Variants in DAZL observed in about 807,000 individuals in gnomAD.
The protein encoded by DAZL is deleted in azoospermia like, also known as deleted in azoospermia-like.
In DAZL, 4 loss-of-function variants were observed where a neutral mutation model predicts 45.0. That is an observed-to-expected ratio of 0.09 (90% CI 0.04 to 0.20). DAZL has a LOEUF of 0.20. DAZL is among the 10% of genes least tolerant of loss of function. The pLI is 1.00. For synonymous variants in DAZL, 122 were observed against 112.4 expected, an observed-to-expected ratio of 1.09 and a Z score of -0.54; for missense variants, 326 against 351.3, an observed-to-expected ratio of 0.93 and a Z score of 0.58.
At chr3:16,605,074 G>C (rs998671632) in intron 1 of DAZL, 129 bp downstream of exon 1, 1 of 1,200,408 alleles carries the variant, frequency 8.3e-7, no homozygotes, top group Non-Finnish European at 1.2e-6. Context: ...TGGCTGTGGT[G>C]CGTCCAGGCA....
intron 1 of DAZL, chr3:16,604,807 C>G: frequency 8.6e-7 from 1 of 1,165,012 alleles, no homozygotes; most frequent in South Asian, 1.9e-5. Flanking sequence ...GGGGCGGAGG[C>G]GCGTGAGTGG....
chr3:16,591,983 A>T (rs1694524821), intron 10 of DAZL, 67 bp downstream of exon 10: 6 of 1,533,976 alleles, frequency 3.9e-6, no homozygotes, highest in Non-Finnish European at 4.5e-6. Flanking sequence ...CATATACCAC[A>T]AGGAAAACAG....
At chr3:16,603,656 T>C (rs949441208) in intron 1 of DAZL, among the ~76,000 whole-genome samples, 2 of 152,206 alleles carry the variant, frequency 1.3e-5, no homozygotes, top group Non-Finnish European at 2.9e-5. Flanking sequence ...CATGATAGTA[T>C]TGTTTTAATA....
chr3:16,602,498 AAC>A (rs1353884204), intron 1 of DAZL, among the ~76,000 whole-genome samples: 9 of 152,336 alleles, frequency 5.9e-5, no homozygotes, highest in Admixed American at 3.9e-4. Flanking sequence ...AAAAAATTCA[AAC>A]ACTTTTCTTC....
chr3:16,589,439 A>C (rs1274504992), intron 10 of DAZL, among the ~76,000 whole-genome samples: 2 of 152,144 alleles, frequency 1.3e-5, no homozygotes, highest in South Asian at 2.1e-4. Flanking sequence ...GAAGTTACCT[A>C]ATCTGTCAAA....
At chr3:16,599,349 G>A (rs1694648683) in intron 1 of DAZL, among the ~76,000 whole-genome samples, 1 of 151,944 alleles carries the variant, frequency 6.6e-6, no homozygotes, top group African/African-American at 2.4e-5. Flanking sequence ...AAGAAAATAA[G>A]CCTCAAAGTT....
chr3:16,604,391 C>A, intron 1 of DAZL: 1 of 1,454,772 alleles, frequency 6.9e-7, no homozygotes, highest in South Asian at 1.2e-5. Flanking sequence ...AAAACCGTAC[C>A]CAGAATTTAA....
At chr3:16,604,843 G>A in intron 1 of DAZL, 1 of 819,184 alleles carries the variant, frequency 1.2e-6, no homozygotes, top group South Asian at 1.9e-5. Flanking sequence ...TGGGGGCGGG[G>A]TGGGGCAGTC....
intron 1 of DAZL, among the ~76,000 whole-genome samples, chr3:16,598,986 T>C (rs1291954238): frequency 6.6e-6 from 1 of 152,110 alleles, no homozygotes; most frequent in East Asian, 1.9e-4. Flanking sequence ...TTTCTCCATG[T>C]TGGCCAGGCT....
intron 7 of DAZL, 120 bp downstream of exon 7, chr3:16,595,194 C>T (rs1235165853): frequency 1.8e-6 from 1 of 562,664 alleles, no homozygotes; most frequent in Non-Finnish European, 3.1e-6. Context: ...TAATTTTTTT[C>T]TTAAATTTTA....
chr3:16,592,624 G>C (rs1419302077), intron 9 of DAZL, among the ~76,000 whole-genome samples: 1 of 151,324 alleles, frequency 6.6e-6, no homozygotes, highest in African/African-American at 2.4e-5. Context: ...TTCTTACCAC[G>C]TATCACTCAA....
At position 16,593,702 on chromosome 3, in the gene DAZL, A is replaced by T; in HGVS notation, c.688T>A (p.Cys230Ser). ...DPGAEVVPNE[C>S]SVHEATPPSG... is the part of the protein sequence containing the mutation. Reference sequence around the variant, plus strand: ...GGTGGAGTAGCTTCATGAACTGAACATTCATTTGGCACAACTTCAGCTCCT... The same window carrying T: ...GGTGGAGTAGCTTCATGAACTGAACTTTCATTTGGCACAACTTCAGCTCCT... The change falls in exon 9 of 11, where the codon TGT becomes AGT. Residue 230 changes from cysteine to serine, a missense_variant. By Grantham distance (112) the Cys-to-Ser change is moderately radical. Coordinates refer to ENST00000399444, the MANE Select transcript of DAZL (RefSeq NM_001351.4). 1 of 1,612,808 alleles carries T rather than the reference A, an allele frequency of 6.2e-7. No homozygotes were observed. Among genetic ancestry groups the T allele is most frequent in the Non-Finnish European group, 8.5e-7 (1 of 1,179,242 alleles).
In DAZL at chr3:16,595,302, C is replaced by A; in HGVS notation, c.570+12G>T. On this transcript the variant is annotated intron_variant, in intron 7 of 10. Transcript: ENST00000399444. ...ATCTGAAAGTAAATCATTTTACTCC[C>A]TTTTAAATTACCTGATAATTATATA... 1 of 1,458,182 alleles carries A rather than the reference C, an allele frequency of 6.9e-7. No homozygotes were observed. 90.3% of individuals were successfully genotyped at this position (1,458,182 alleles called of 1,614,324 possible).
intron 1 of DAZL, among the ~76,000 whole-genome samples, chr3:16,600,044 T>C (rs1468550857): frequency 6.6e-6 from 1 of 152,222 alleles, no homozygotes; most frequent in African/African-American, 2.4e-5. Flanking sequence ...TTAGCTGACT[T>C]ATCTTGAAGA....
chr3:16,598,440 T>C lies in DAZL; in HGVS notation c.150+12A>G, dbSNP rs947117413. The stretch of plus-strand genomic sequence containing the variant: ...TGCATTTCAAGGTAAAAATGAGGTA[T>C]GAATACAATACCCTAACATCAATTC... On this transcript the variant is annotated intron_variant, in intron 2 of 10. Transcript: ENST00000399444. The C allele has an allele frequency of 1.2e-6, 2 of 1,606,140 alleles. No individual in the cohort carries two copies. The highest frequency in any genetic ancestry group is 8.5e-7 in the Non-Finnish European group (1 of 1,176,080).
At position 16,588,145 on chromosome 3, in the gene DAZL, A is replaced by G. The variant is rs1475645506; in HGVS notation, c.*515T>C. ...GCTGGGTTTAGATAAGAAGACTTCA[A>G]TAAAGCTAACTATATATTGAGTTCC... On this transcript the variant is annotated 3_prime_UTR_variant, in exon 11 of 11. Coordinates refer to ENST00000399444, the MANE Select transcript of DAZL (RefSeq NM_001351.4). 1.2e-5 allele frequency: 2 copies of G among 171,414 alleles called. No individual in the cohort carries two copies. Among genetic ancestry groups the G allele is most frequent in the African/African-American group, 2.4e-5 (1 of 41,692 alleles). The allele number at this position is 171,414 out of a possible 1,614,324, so 10.6% of individuals were successfully genotyped here.
chr3:16,587,026 C>A lies in DAZL; in HGVS notation c.*1634G>T, dbSNP rs1694447589. On this transcript the variant is annotated 3_prime_UTR_variant, in exon 11 of 11. Coordinates refer to ENST00000399444, the MANE Select transcript of DAZL (RefSeq NM_001351.4). Reference sequence around the variant, plus strand: ...AAGTAGCTCTTTAGAATATAGATATCATTTATAGTAAGCTGGAGATTTAAT... The same window carrying A: ...AAGTAGCTCTTTAGAATATAGATATAATTTATAGTAAGCTGGAGATTTAAT... 1 of 152,028 alleles carries A rather than the reference C, an allele frequency of 6.6e-6. No homozygotes were observed. Among genetic ancestry groups the A allele is most frequent in the Non-Finnish European group, 1.5e-5 (1 of 67,994 alleles). The allele number at this position is 152,028 out of a possible 1,614,324, so 9.4% of individuals were successfully genotyped here. A position where few individuals can be genotyped will look rare whatever the true frequency, so the allele number is the denominator to read the frequency against.
At chr3:16,596,653 G>T (rs1337256283) in intron 6 of DAZL, 97 bp downstream of exon 6, 16 of 1,307,880 alleles carry the variant, frequency 1.2e-5, no homozygotes, top group Non-Finnish European at 1.8e-5. Flanking sequence ...TTCAAACAGG[G>T]ATGCCATTAC....
intron 6 of DAZL, 35 bp downstream of exon 6, chr3:16,596,715 T>G: frequency 6.2e-7 from 1 of 1,610,122 alleles, no homozygotes; most frequent in South Asian, 1.1e-5. Flanking sequence ...ATGACTACAA[T>G]AAACAAGAGA....
Sources: gnomAD v4.1 joint callset for allele counts (sites outside exome capture counted in the v4.1 genomes callset) on GRCh38, gnomAD v4.1.1 for gene constraint, MANE v1.5 for transcripts, NCBI Gene and HGNC (gene_info 2026-07-23, HGNC 2026-07-21) for gene names.